TULP2: variants seen among roughly 807,000 people sequenced by gnomAD.
The protein encoded by TULP2 is tubby-related protein 2.
In TULP2, 64 loss-of-function variants were observed where a neutral mutation model predicts 60.3. The observed-to-expected ratio is 1.06, with a 90% confidence interval of 0.87 to 1.31. The LOEUF is 1.31. TULP2 is among the 50% of genes most tolerant of loss of function. The probability of loss-of-function intolerance (pLI) is 0.00; values close to 1 mark genes in which losing one functional copy is unlikely to be tolerated. For synonymous variants in TULP2, 267 were observed against 265.4 expected, an observed-to-expected ratio of 1.01 and a Z score of -0.06; for missense variants, 652 against 667.0, an observed-to-expected ratio of 0.98 and a Z score of 0.25.
At chr19:48,885,052 C>T (rs7246494) in intron 9 of TULP2, among the ~76,000 whole-genome samples, 26,396 of 151,368 alleles carry the variant, frequency 0.17, 3,325 homozygotes, top group African/African-American at 0.36. Flanking sequence ...AGGTTCACGC[C>T]ACTATGCCTG....
intron 6 of TULP2, among the ~76,000 whole-genome samples, chr19:48,892,004 G>A (rs368198541): frequency 5.9e-5 from 9 of 152,296 alleles, no homozygotes; most frequent in South Asian, 4.1e-4. Context: ...ATGATGTCTC[G>A]CCTCCAGCCA....
chr19:48,891,693 G>A (rs1191332186), intron 6 of TULP2, among the ~76,000 whole-genome samples: 2 of 152,166 alleles, frequency 1.3e-5, no homozygotes, highest in African/African-American at 4.8e-5. Context: ...CAGAGACAAA[G>A]TATAGAGGAA....
chr19:48,882,514 C>G (rs1007247868), intron 11 of TULP2, among the ~76,000 whole-genome samples: 1 of 152,154 alleles, frequency 6.6e-6, no homozygotes, highest in Non-Finnish European at 1.5e-5. Flanking sequence ...AAAGGGTACA[C>G]TCACCAGGAG....
At position 48,897,511 on chromosome 19, in the gene TULP2, G is replaced by C; in HGVS notation, c.33-115C>G. 4.7e-6 allele frequency: 5 copies of C among 1,068,858 alleles called. No homozygotes were observed. The highest frequency in any genetic ancestry group is 7.0e-6 in the Non-Finnish European group (5 of 712,092). 66.2% of individuals were successfully genotyped at this position (1,068,858 alleles called of 1,614,324 possible). On this transcript the variant is annotated intron_variant, in intron 2 of 12. Transcript: ENST00000221399. The surrounding 1 kb of genome is among the most constrained non-coding windows in gnomAD (Gnocchi z 4.0). ...AGCTTGGGTTCTGGGCACCTGTGAG[G>C]TCACAGGAGGTGCAGAACCTGAGCC...
In TULP2 at chr19:48,898,741, T is replaced by A. The variant is rs150467306; in HGVS notation, c.-153A>T. 4.4e-3 allele frequency: 666 copies of A among 152,314 alleles called. 3 individuals are homozygous for A. The highest frequency in any genetic ancestry group is 7.2e-3 in the Admixed American group (110 of 15,248). 9.4% of individuals were successfully genotyped at this position (152,314 alleles called of 1,614,324 possible). A position where few individuals can be genotyped will look rare whatever the true frequency, so the allele number is the denominator to read the frequency against. On this transcript the variant is annotated 5_prime_UTR_variant, in exon 1 of 13. Transcript: ENST00000221399. ...CCTCCACTCTCCACTTCCAACAAAG[T>A]AACGAACTCGGTCACTGATGCAGCC...
At position 48,895,522 on chromosome 19, in the gene TULP2, A is replaced by C; in HGVS notation, c.212-19T>G. 1 of 1,590,568 alleles carries C rather than the reference A, an allele frequency of 6.3e-7. No individual in the cohort carries two copies. Among genetic ancestry groups the C allele is most frequent in the Non-Finnish European group, 8.6e-7 (1 of 1,163,584 alleles). On this transcript the variant is annotated intron_variant, in intron 4 of 12. Transcript: ENST00000221399. ...CCAAGGCCTGGGAGAAGGTTCAGCG[A>C]GCCCATGAAAACGATCTACAAATTC... is the stretch of plus-strand genomic sequence containing the variant.
Position 48,897,954 on chromosome 19 carries a change from T to C in TULP2, c.-1-85A>G. On this transcript the variant is annotated intron_variant, in intron 1 of 12. Transcript: ENST00000221399. This position sits in a 1 kb window ranked among gnomAD's most constrained non-coding sequence, Gnocchi z 4.0. Reference sequence around the variant, plus strand: ...CCAGCACCTAATCTTTAGCCTTATTTATTTATTTATTTATTTATTTATTTA... The same window carrying C: ...CCAGCACCTAATCTTTAGCCTTATTCATTTATTTATTTATTTATTTATTTA... The C allele has an allele frequency of 1.2e-6, 1 of 816,570 alleles. No homozygotes were observed. The highest frequency in any genetic ancestry group is 3.2e-5 in the South Asian group (1 of 31,428). The allele number at this position is 816,570 out of a possible 1,614,324, so 50.6% of individuals were successfully genotyped here.
At position 48,896,489 on chromosome 19, in the gene TULP2, T is replaced by G. The variant is rs151081172; in HGVS notation, c.152A>C (p.Asp51Ala). ...QELLMVQANP[D>A]ASPWLWRSCL... ...AGAGCGCCAAAGCCACGGGGAAGCG[T>G]CAGGATTGGCCTGAACCATGAGGAG... The change falls in exon 4 of 13, where the codon GAC (aspartate) becomes GCC (alanine). Residue 51 changes from aspartate to alanine, a missense_variant. Asp to Ala is a moderately radical substitution (Grantham distance 126, BLOSUM62 -2). Transcript: ENST00000221399. 2.5e-6 allele frequency: 4 copies of G among 1,611,330 alleles called. No individual in the cohort carries two copies. In the African/African-American group the frequency reaches 5.3e-5, roughly 22 times the overall value.
intron 8 of TULP2, 127 bp downstream of exon 8, chr19:48,887,823 G>A: frequency 9.8e-7 from 1 of 1,019,748 alleles, no homozygotes. Context: ...CTCCCAAAGT[G>A]CTGGGATTAT....
intron 11 of TULP2, 52 bp downstream of exon 11, chr19:48,883,702 G>A (rs377344499): frequency 2.9e-4 from 462 of 1,599,548 alleles, no homozygotes; most frequent in Middle Eastern, 1.9e-3. Flanking sequence ...TAGGAGGACC[G>A]GCCCCAGCCC....
intron 8 of TULP2, among the ~76,000 whole-genome samples, chr19:48,886,878 A>ATT (rs879506248): frequency 8.5e-5 from 12 of 141,628 alleles, no homozygotes; most frequent in Admixed American, 1.4e-4. Context: ...GGCCTGGCTA[A>ATT]TTTTTTTTTT....
chr19:48,887,257 C>G (rs1480352343), intron 8 of TULP2, among the ~76,000 whole-genome samples: 2 of 146,102 alleles, frequency 1.4e-5, no homozygotes, highest in South Asian at 2.2e-4. Context: ...GTGATCTGCA[C>G]GCCTCGGCCT....
Position 48,895,008 on chromosome 19 carries a change from GTGGGCT to G in TULP2, c.498_503del (p.Gln166_Ala167del). The G allele has an allele frequency of 6.2e-7, 1 of 1,612,598 alleles. No individual in the cohort carries two copies. The highest frequency in any genetic ancestry group is 8.5e-7 in the Non-Finnish European group (1 of 1,179,576). On this transcript the variant is annotated inframe_deletion, in exon 6 of 13. Transcript: ENST00000221399. Reference sequence around the variant, plus strand: ...TGTCCCCTAAATTACCAGGTCGTTGGTGGGCTTGCCAACCCTTGCGTCGGATTCTCG... The same window carrying G: ...TGTCCCCTAAATTACCAGGTCGTTGGTGCCAACCCTTGCGTCGGATTCTCG...
rs377184797 is a variant in TULP2 at position 48,885,541 on chromosome 19, C to A, written c.968G>T (p.Arg323Leu). 12 of 1,613,890 alleles carry A rather than the reference C, an allele frequency of 7.4e-6. No homozygotes were observed. The highest frequency in any genetic ancestry group is 1.0e-5 in the Non-Finnish European group (12 of 1,179,882). Residue 323 changes from arginine to leucine, a missense_variant, in exon 9 of 13, where the codon CGA becomes CTA. Coordinates refer to ENST00000221399, the MANE Select transcript of TULP2 (RefSeq NM_003323.3). ...AGAAGTTTTGCTCCTTCTTCTCTTTCGCCCAGCCAGGAGGAAGCGCTATGG... is the reference window on the plus strand; with the variant it reads ...AGAAGTTTTGCTCCTTCTTCTCTTTAGCCCAGCCAGGAGGAAGCGCTATGG... ...DSLQRFLLAG[R>L]KRRRSKTSNY...
At chr19:48,893,545 ATTTC>A (rs1353188448) in intron 6 of TULP2, among the ~76,000 whole-genome samples, 1 of 151,676 alleles carries the variant, frequency 6.6e-6, no homozygotes, top group South Asian at 2.1e-4. Flanking sequence ...TTGATGCACT[ATTTC>A]TTTCTTTCTT....
At chr19:48,891,521 T>A (rs1014320416) in intron 6 of TULP2, among the ~76,000 whole-genome samples, 3 of 146,666 alleles carry the variant, frequency 2.0e-5, no homozygotes, top group African/African-American at 8.0e-5. Flanking sequence ...TTCCAGCTAC[T>A]CAGGAGGCTG....
intron 8 of TULP2, among the ~76,000 whole-genome samples, chr19:48,887,099 G>A (rs1443713512): frequency 2.2e-5 from 3 of 138,644 alleles, no homozygotes; most frequent in Non-Finnish European, 4.6e-5. Flanking sequence ...TGCAACCTCC[G>A]CCTTCGAGTT....
rs1447162281 is a variant in TULP2 at position 48,897,505 on chromosome 19, T to C, written c.33-109A>G. 9.3e-6 allele frequency: 11 copies of C among 1,184,104 alleles called. No individual in the cohort carries two copies. Among genetic ancestry groups the C allele is most frequent in the Non-Finnish European group, 1.2e-5 (10 of 814,274 alleles). 73.3% of individuals were successfully genotyped at this position (1,184,104 alleles called of 1,614,324 possible). ...TATCTCAGCTTGGGTTCTGGGCACC[T>C]GTGAGGTCACAGGAGGTGCAGAACC... On this transcript the variant is annotated intron_variant, in intron 2 of 12. Coordinates refer to ENST00000221399, the MANE Select transcript of TULP2 (RefSeq NM_003323.3). The surrounding 1 kb of genome is among the most constrained non-coding windows in gnomAD (Gnocchi z 4.0).
Position 48,897,467 on chromosome 19 carries a change from C to G in TULP2, c.33-71G>C. 6.7e-7 allele frequency: 1 copy of G among 1,498,816 alleles called. No individual in the cohort carries two copies. The highest frequency in any genetic ancestry group is 9.2e-7 in the Non-Finnish European group (1 of 1,087,798). The allele number at this position is 1,498,816 out of a possible 1,614,324, so 92.8% of individuals were successfully genotyped here. A position where few individuals can be genotyped will look rare whatever the true frequency, so the allele number is the denominator to read the frequency against. On this transcript the variant is annotated intron_variant, in intron 2 of 12. Coordinates refer to ENST00000221399, the MANE Select transcript of TULP2 (RefSeq NM_003323.3). The surrounding 1 kb of genome is among the most constrained non-coding windows in gnomAD (Gnocchi z 4.0). ...GTTGCCCAAGAGAGTCCCTCCTTCC[C>G]CCATCCTGCCCCTATCTCAGCTTGG...
Sources: allele counts gnomAD v4.1 joint callset (sites outside exome capture counted in the v4.1 genomes callset), GRCh38; gene constraint gnomAD v4.1.1; non-coding constraint Gnocchi (gnomAD v3.1); transcripts MANE v1.5; gene names NCBI Gene and HGNC (gene_info 2026-07-23, HGNC 2026-07-21).